CFAP410: variants seen among roughly 807,000 people sequenced by gnomAD.
The protein encoded by CFAP410 is cilia- and flagella-associated protein 410.
CFAP410 carries 27 observed loss-of-function variants against 25.7 expected under a neutral mutation model. That is an observed-to-expected ratio of 1.05 (90% CI 0.77 to 1.45). The LOEUF (loss-of-function observed/expected upper bound fraction) is 1.45. CFAP410 is among the 40% of genes most tolerant of loss of function. CFAP410 has a pLI of 0.00. For missense variants in CFAP410, 428 were observed against 354.1 expected, an observed-to-expected ratio of 1.21 and a Z score of -1.67; for synonymous variants, 178 against 158.4, an observed-to-expected ratio of 1.12 and a Z score of -0.93.
At chr21:44,338,277 C>G in intron 1 of CFAP410, 1 of 1,286,220 alleles carries the variant, frequency 7.8e-7, no homozygotes. Flanking sequence ...CGTCTGCTCT[C>G]GCTGACCCCC....
At chr21:44,336,792 T>G (rs1006705776) in intron 2 of CFAP410, 2 of 151,836 alleles carry the variant, frequency 1.3e-5, no homozygotes, top group African/African-American at 4.8e-5. Flanking sequence ...AATAAAGAGA[T>G]AAATAATTGC....
intron 1 of CFAP410, chr21:44,338,857 C>T (rs1355677932): frequency 9.1e-6 from 1 of 109,914 alleles, no homozygotes; most frequent in Non-Finnish European, 1.9e-5. Context: ...GCCCCGGCTC[C>T]TCCCTCCGGC....
chr21:44,338,518 C>G, intron 1 of CFAP410: 1 of 319,890 alleles, frequency 3.1e-6, no homozygotes, highest in Non-Finnish European at 6.4e-6. Flanking sequence ...CGGCCGCCCC[C>G]AGTACTGATT....
At chr21:44,330,793 A>G in intron 6 of CFAP410, 30 bp downstream of exon 6, 1 of 1,564,102 alleles carries the variant, frequency 6.4e-7, no homozygotes, top group South Asian at 1.2e-5. Context: ...GGGCAGAGGC[A>G]GCCGCGGCCC....
At chr21:44,331,673 G>A in intron 5 of CFAP410, 170 bp downstream of exon 5, 1 of 626,988 alleles carries the variant, frequency 1.6e-6, no homozygotes, top group Non-Finnish European at 2.6e-6. Flanking sequence ...TCACTACCTG[G>A]GCACTGAGTC....
At chr21:44,335,665 G>A in intron 3 of CFAP410, 93 bp downstream of exon 3, 1 of 992,994 alleles carries the variant, frequency 1.0e-6, no homozygotes, top group Non-Finnish European at 1.5e-6. Context: ...AGGTTTCCAG[G>A]TTATGTCACA....
intron 6 of CFAP410, 149 bp from the exon 7 acceptor site, chr21:44,330,475 A>G (rs2047624100): frequency 2.6e-6 from 4 of 1,533,226 alleles, no homozygotes; most frequent in Non-Finnish European, 3.5e-6. Flanking sequence ...GCACACTCGG[A>G]GAATCTGAGC....
chr21:44,331,063 C>T, intron 5 of CFAP410, 144 bp from the exon 6 acceptor site: 3 of 758,056 alleles, frequency 4.0e-6, no homozygotes, highest in South Asian at 3.8e-5. Flanking sequence ...AGAAGGGAGG[C>T]AACTCCTGGG....
intron 1 of CFAP410, among the ~76,000 whole-genome samples, 170 bp from the exon 2 acceptor site, chr21:44,337,837 A>G (rs1177088083): frequency 6.6e-6 from 1 of 152,206 alleles, no homozygotes; most frequent in East Asian, 1.9e-4. Context: ...GGTGTAAACA[A>G]TTGTTTTAGC....
Position 44,333,223 on chromosome 21 carries a change from G to A in CFAP410, c.183C>T (p.Cys61=). 6.2e-7 allele frequency: 1 copy of A among 1,612,796 alleles called. No homozygotes were observed. The part of the protein sequence containing the change: ...SISTLEPVSR[C]QRLSELYLRR... The stretch of plus-strand genomic sequence containing the variant: ...GCAGGTACAGCTCACTCAGGCGCTG[G>A]CACCGGCTCACAGGCTCCAGGGTGG... The change falls in exon 4 of 7, where the codon TGC becomes TGT. Residue 61 remains cysteine (C), a synonymous_variant. Transcript: ENST00000339818.
chr21:44,335,638 C>T, intron 3 of CFAP410, 120 bp downstream of exon 3: 1 of 779,652 alleles, frequency 1.3e-6, no homozygotes. Flanking sequence ...CTGGAAGCCG[C>T]CCTCAGTCTG....
rs927011522 is a variant in CFAP410 at position 44,333,595 on chromosome 21, CAG to C, written c.144-335_144-334del. ...ACAGGTGAGGAAAATTAAGGCCTCT[CAG>C]GGGACATATCATGTTGCCCCAAAGC... On this transcript the variant is annotated intron_variant, in intron 3 of 6. Coordinates refer to ENST00000339818, the MANE Select transcript of CFAP410 (RefSeq NM_004928.3). 17 of 450,998 alleles carry C rather than the reference CAG, an allele frequency of 3.8e-5. No homozygotes were observed. In the Middle Eastern group the frequency reaches 1.8e-3, roughly 47 times the overall value. The allele number at this position is 450,998 out of a possible 1,614,324, so 27.9% of individuals were successfully genotyped here. A position where few individuals can be genotyped will look rare whatever the true frequency, so the allele number is the denominator to read the frequency against.
chr21:44,338,388 C>T (rs1602091514), intron 1 of CFAP410: 1 of 1,061,844 alleles, frequency 9.4e-7, no homozygotes, highest in South Asian at 1.3e-5. Context: ...CAGGCTCCCT[C>T]TTCTGGAAGC....
intron 1 of CFAP410, 43 bp downstream of exon 1, chr21:44,339,075 C>T (rs1425716926): frequency 1.6e-6 from 2 of 1,280,680 alleles, no homozygotes; most frequent in Non-Finnish European, 2.1e-6. Flanking sequence ...CGCCCCGGCT[C>T]CTCCCCCCAC....
chr21:44,333,202 G>C lies in CFAP410; in HGVS notation c.204C>G (p.Tyr68Ter). ...VSRCQRLSEL[Y>*]LRRNRIPSLA... ...GGCTGGGGATGCGGTTCCTCCGCAG[G>C]TACAGCTCACTCAGGCGCTGGCACC... Residue 68 changes from tyrosine (Y) to a stop codon, truncating the protein, a stop_gained, in exon 4 of 7, where the codon TAC becomes TAG. Transcript: ENST00000339818. LOFTEE classifies it high-confidence loss of function. The C allele has an allele frequency of 6.2e-7, 1 of 1,612,976 alleles. No individual in the cohort carries two copies. The highest frequency in any genetic ancestry group is 2.2e-5 in the East Asian group (1 of 44,888).
rs2047738871 is a variant in CFAP410 at position 44,335,740 on chromosome 21, A to G, written c.143+18T>C. 6.3e-7 allele frequency: 1 copy of G among 1,579,282 alleles called. No individual in the cohort carries two copies. Among genetic ancestry groups the G allele is most frequent in the Non-Finnish European group, 8.6e-7 (1 of 1,160,766 alleles). On this transcript the variant is annotated intron_variant, in intron 3 of 6. Coordinates refer to ENST00000339818, the MANE Select transcript of CFAP410 (RefSeq NM_004928.3). ...GCTTCCAGGCCCCAGGCTGAGCATG[A>G]CAGCAGGAGCGAGGTACCTGAGCGT...
intron 6 of CFAP410, 164 bp downstream of exon 6, chr21:44,330,659 C>A (rs903551399): frequency 2.6e-5 from 41 of 1,548,432 alleles, no homozygotes; most frequent in Non-Finnish European, 3.2e-5. Flanking sequence ...ATTCACAGAC[C>A]CGCACACGCA....
Position 44,339,162 on chromosome 21 carries a change from C to G in CFAP410, c.33G>C (p.Arg11=), listed in dbSNP as rs11870. MKLTRKMVLT[R]AKASELHSVR... ...CGCTGTGCAGCTCCGAGGCCTTGGC[C>G]CGGGTCAGAACCATCTTCCGCGTCA... The change falls in exon 1 of 7, where the codon CGG becomes CGC. Residue 11 remains arginine (R), a synonymous_variant. Transcript: ENST00000339818. 2 of 1,472,804 alleles carry G rather than the reference C, an allele frequency of 1.4e-6. No individual in the cohort carries two copies. The highest frequency in any genetic ancestry group is 6.0e-5 in the East Asian group (2 of 33,096). 91.2% of individuals were successfully genotyped at this position (1,472,804 alleles called of 1,614,324 possible).
chr21:44,332,059 GTGCAGGCCACATGCAC>G, intron 4 of CFAP410, 45 bp from the exon 5 acceptor site: 1 of 1,524,912 alleles, frequency 6.6e-7, no homozygotes, highest in South Asian at 1.2e-5. Flanking sequence ...CCTCACCCAC[GTGCAGGCCACATGCAC>G]TGCAGCTCCC....
Sources: allele counts gnomAD v4.1 joint callset (sites outside exome capture counted in the v4.1 genomes callset), GRCh38; gene constraint gnomAD v4.1.1; transcripts MANE v1.5; gene names NCBI Gene and HGNC (gene_info 2026-07-23, HGNC 2026-07-21).